Variants in TMA16 observed in about 807,000 individuals in gnomAD.
TMA16 encodes translation machinery associated 16 homolog, also known as translation machinery-associated protein 16.
In TMA16, 26 loss-of-function variants were observed where a neutral mutation model predicts 27.1. The observed-to-expected ratio is 0.96, with a 90% CI of 0.70 to 1.33. The LOEUF is 1.33. TMA16 is among the 40% of genes most tolerant of loss of function. TMA16 has a pLI of 0.00. For missense variants in TMA16, 233 were observed against 241.4 expected (o/e 0.97, Z 0.23); for synonymous variants, 71 against 81.9 (o/e 0.87, Z 0.72).
At chr4:163,504,494 C>T (rs955871713) in intron 1 of TMA16, among the ~76,000 whole-genome samples, 1 of 151,976 alleles carries the variant, frequency 6.6e-6, no homozygotes, top group Non-Finnish European at 1.5e-5. Flanking sequence ...GAGTCTACTT[C>T]TTTTTGTTGT....
intron 6 of TMA16, among the ~76,000 whole-genome samples, chr4:163,518,511 CAAAT>C (rs1221681903): frequency 1.3e-5 from 2 of 149,638 alleles, no homozygotes; most frequent in African/African-American, 2.5e-5. Context: ...CTATAAGAAA[CAAAT>C]GAATCAACAA....
intron 1 of TMA16, among the ~76,000 whole-genome samples, chr4:163,502,607 T>G (rs1173242045): frequency 6.6e-6 from 1 of 152,174 alleles, no homozygotes; most frequent in Non-Finnish European, 1.5e-5. Context: ...CAAGGAGCAG[T>G]TGAACTTGAC....
intron 1 of TMA16, among the ~76,000 whole-genome samples, chr4:163,495,920 G>GT (rs1176793980): frequency 6.6e-6 from 1 of 152,140 alleles, no homozygotes; most frequent in Non-Finnish European, 1.5e-5. Context: ...TATAGTGTTA[G>GT]TTTTTTTCCC....
intron 4 of TMA16, 88 bp from the exon 5 acceptor site, chr4:163,515,225 G>A: frequency 7.5e-7 from 1 of 1,342,010 alleles, no homozygotes; most frequent in Non-Finnish European, 9.9e-7. Context: ...AAGGCCACAT[G>A]AAGGCTGGAT....
chr4:163,514,240 C>A, intron 4 of TMA16, 82 bp downstream of exon 4: 2 of 1,132,592 alleles, frequency 1.8e-6, no homozygotes, highest in Non-Finnish European at 2.5e-6. Context: ...AGCTCTGTTA[C>A]GGATTTGCAG....
chr4:163,514,536 AAAAT>A (rs1737847400), intron 4 of TMA16, among the ~76,000 whole-genome samples: 1 of 152,228 alleles, frequency 6.6e-6, no homozygotes, highest in African/African-American at 2.4e-5. Context: ...TAATATGACT[AAAAT>A]AAGTTGAAGG....
intron 4 of TMA16, among the ~76,000 whole-genome samples, chr4:163,515,075 ATGG>A (rs1446097167): frequency 6.6e-6 from 1 of 152,014 alleles, no homozygotes; most frequent in African/African-American, 2.4e-5. Context: ...CCAGATTGAG[ATGG>A]TGGTTGAATG....
Position 163,494,763 on chromosome 4 carries a change from T to C in TMA16, c.-39T>C, listed in dbSNP as rs1737522344. 6.2e-7 allele frequency: 1 copy of C among 1,612,976 alleles called. No individual in the cohort carries two copies. Among genetic ancestry groups the C allele is most frequent in the South Asian group, 1.1e-5 (1 of 91,074 alleles). On this transcript the variant is annotated 5_prime_UTR_variant, in exon 1 of 7. Coordinates refer to ENST00000358572, the MANE Select transcript of TMA16 (RefSeq NM_018352.3). The stretch of plus-strand genomic sequence containing the variant: ...TGCGGTTGGTGAGATTACCTGGGTC[T>C]AGAGTGCGGAGCTGCTCCGTGGCCA...
At chr4:163,499,401 A>T (rs1737612167) in intron 1 of TMA16, among the ~76,000 whole-genome samples, 2 of 152,202 alleles carry the variant, frequency 1.3e-5, no homozygotes, top group African/African-American at 4.8e-5. Context: ...CAAAAAAATA[A>T]GAAAATCTTT....
At position 163,520,051 on chromosome 4, in the gene TMA16, C is replaced by T. The variant is rs965707570; in HGVS notation, c.*537C>T. ...ATAGATTATTATTTATCTTTTGAAC[C>T]AGAGCTAAATGGTAAAAGAAAAAAA... On this transcript the variant is annotated 3_prime_UTR_variant, in exon 7 of 7. Coordinates refer to ENST00000358572, the MANE Select transcript of TMA16 (RefSeq NM_018352.3). 21 of 595,324 alleles carry T rather than the reference C, an allele frequency of 3.5e-5. No individual in the cohort carries two copies. The highest frequency in any genetic ancestry group is 5.7e-5 in the African/African-American group (3 of 52,840). 36.9% of individuals were successfully genotyped at this position (595,324 alleles called of 1,614,324 possible). A position where few individuals can be genotyped will look rare whatever the true frequency, so the allele number is the denominator to read the frequency against.
intron 1 of TMA16, among the ~76,000 whole-genome samples, chr4:163,504,352 A>G (rs918085278): frequency 1.3e-5 from 2 of 152,184 alleles, no homozygotes; most frequent in Non-Finnish European, 2.9e-5. Context: ...GCTTAAACCA[A>G]TATTTATGAT....
At chr4:163,511,000 T>A (rs1176801872) in intron 2 of TMA16, among the ~76,000 whole-genome samples, 1 of 152,226 alleles carries the variant, frequency 6.6e-6, no homozygotes, top group African/African-American at 2.4e-5. Context: ...GTTGGGTAGA[T>A]GTTTGAGTTT....
At chr4:163,518,108 C>T (rs959392961) in intron 6 of TMA16, among the ~76,000 whole-genome samples, 7 of 151,956 alleles carry the variant, frequency 4.6e-5, no homozygotes, top group Non-Finnish European at 7.4e-5. Context: ...GCACCCAGTA[C>T]GTGGTGTTTT....
intron 1 of TMA16, among the ~76,000 whole-genome samples, chr4:163,502,639 TG>T (rs1044979477): frequency 1.3e-5 from 2 of 152,126 alleles, no homozygotes; most frequent in African/African-American, 4.8e-5. Flanking sequence ...CTTCGAAGAT[TG>T]GGTGGGGTTT....
intron 1 of TMA16, among the ~76,000 whole-genome samples, chr4:163,502,673 A>G (rs1246118309): frequency 2.0e-5 from 3 of 152,200 alleles, no homozygotes; most frequent in African/African-American, 7.2e-5. Context: ...GTATGGAACT[A>G]TTAAAGTCTT....
chr4:163,501,257 G>T (rs1737646311), intron 1 of TMA16, among the ~76,000 whole-genome samples: 1 of 152,150 alleles, frequency 6.6e-6, no homozygotes, highest in South Asian at 2.1e-4. Context: ...TTAATTTCCT[G>T]TGTTATTATT....
intron 6 of TMA16, among the ~76,000 whole-genome samples, chr4:163,518,165 A>G (rs760312192): frequency 1.3e-5 from 2 of 151,974 alleles, no homozygotes; most frequent in Non-Finnish European, 2.9e-5. Context: ...CCCAGTGTCT[A>G]TTGTTCCCTT....
At position 163,512,842 on chromosome 4, in the gene TMA16, T is replaced by C; in HGVS notation, c.137T>C (p.Leu46Ser). The C allele has an allele frequency of 6.2e-7, 1 of 1,606,868 alleles. No individual in the cohort carries two copies. Among genetic ancestry groups the C allele is most frequent in the Non-Finnish European group, 8.5e-7 (1 of 1,175,240 alleles). ...CAAAGATTGAAGAATGAAAAGGCCT[T>C]GCGTCTCAACCTTGTTGGTAAGTGG... is the stretch of plus-strand genomic sequence containing the variant. ...KKEKLKNEKA[L>S]RLNLVGEKLQ... The change falls in exon 3 of 7, where the codon TTG (leucine) becomes TCG (serine). Residue 46 changes from leucine (L) to serine (S), a missense_variant. By Grantham distance (145) the Leu-to-Ser change is moderately radical. Coordinates refer to ENST00000358572, the MANE Select transcript of TMA16 (RefSeq NM_018352.3).
intron 2 of TMA16, 104 bp from the exon 3 acceptor site, chr4:163,512,718 T>G: frequency 1.4e-6 from 1 of 727,074 alleles, no homozygotes; most frequent in Non-Finnish European, 2.3e-6. Context: ...GAATGACCTT[T>G]TAATTAGAGT....
Sources: allele counts gnomAD v4.1 joint callset (sites outside exome capture counted in the v4.1 genomes callset), GRCh38; gene constraint gnomAD v4.1.1; transcripts MANE v1.5; gene names NCBI Gene and HGNC (gene_info 2026-07-23, HGNC 2026-07-21).